LRCH1: variants seen among roughly 807,000 people sequenced by gnomAD.
The protein encoded by LRCH1 is leucine-rich repeat and calponin homology domain-containing protein 1.
Under a neutral mutation model 94.9 loss-of-function variants are expected in LRCH1, and 23 were observed. That is an observed-to-expected ratio of 0.24 (90% confidence interval 0.17 to 0.34). LRCH1 has a LOEUF of 0.34. Among genes scored for constraint, LRCH1 ranks in the 10% least tolerant of loss-of-function variants. The probability of loss-of-function intolerance (pLI) is 1.00; values close to 1 mark genes in which losing one functional copy is unlikely to be tolerated. For missense variants in LRCH1, 790 were observed against 945.9 expected, an observed-to-expected ratio of 0.84 and a Z score of 2.16; for synonymous variants, 364 against 354.9, an observed-to-expected ratio of 1.03 and a Z score of -0.29.
At chr13:46,698,774 T>C (rs1229759919) in intron 9 of LRCH1, among the ~76,000 whole-genome samples, 1 of 152,216 alleles carries the variant, frequency 6.6e-6, no homozygotes, top group Non-Finnish European at 1.5e-5. Context: ...TTGGGCCACA[T>C]TTTTTTAAAT....
At chr13:46,716,381 C>T (rs1181777142) in intron 16 of LRCH1, among the ~76,000 whole-genome samples, 1 of 152,138 alleles carries the variant, frequency 6.6e-6, no homozygotes, top group Non-Finnish European at 1.5e-5. Context: ...ATCTGCACAC[C>T]ACCTATATCG....
chr13:46,583,629 C>G (rs2050397466), intron 1 of LRCH1, among the ~76,000 whole-genome samples: 1 of 152,188 alleles, frequency 6.6e-6, no homozygotes, highest in South Asian at 2.1e-4. Flanking sequence ...ACTAACCTCT[C>G]TAGGTTTTTC....
chr13:46,696,963 GAC>G (rs1871227707), intron 9 of LRCH1, among the ~76,000 whole-genome samples: 1 of 152,162 alleles, frequency 6.6e-6, no homozygotes, highest in Non-Finnish European at 1.5e-5. Flanking sequence ...AGCTACTCAG[GAC>G]ACTGAGGAGG....
intron 9 of LRCH1, among the ~76,000 whole-genome samples, chr13:46,697,903 G>T (rs576252472): frequency 6.6e-6 from 1 of 152,176 alleles, no homozygotes; most frequent in Non-Finnish European, 1.5e-5. Context: ...TATACTATTG[G>T]CTACTTTTAG....
At chr13:46,619,037 A>G (rs900490104) in intron 1 of LRCH1, among the ~76,000 whole-genome samples, 6 of 150,134 alleles carry the variant, frequency 4.0e-5, no homozygotes, top group African/African-American at 1.5e-4. Flanking sequence ...CTTCACATCT[A>G]AAGTTCTCTT....
At chr13:46,656,045 C>A (rs2051366035) in intron 2 of LRCH1, among the ~76,000 whole-genome samples, 1 of 152,194 alleles carries the variant, frequency 6.6e-6, no homozygotes, top group Non-Finnish European at 1.5e-5. Flanking sequence ...TTCTCTGCAG[C>A]CTGGCATTCT....
intron 1 of LRCH1, among the ~76,000 whole-genome samples, chr13:46,578,161 TCTC>T (rs1200511475): frequency 2.0e-5 from 3 of 152,162 alleles, no homozygotes; most frequent in Admixed American, 2.0e-4. Flanking sequence ...CATTTCAAAA[TCTC>T]CTGGCTGCGG....
At chr13:46,634,170 G>A (rs1311503875) in intron 1 of LRCH1, among the ~76,000 whole-genome samples, 4 of 152,148 alleles carry the variant, frequency 2.6e-5, no homozygotes, top group East Asian at 3.9e-4. Flanking sequence ...GAGCCACCGC[G>A]CCCAGCCTTT....
At chr13:46,664,647 G>T (rs1593335746) in intron 2 of LRCH1, among the ~76,000 whole-genome samples, 2 of 152,182 alleles carry the variant, frequency 1.3e-5, no homozygotes, top group South Asian at 4.1e-4. Context: ...GCAACACGTG[G>T]CTGTAAAATC....
chr13:46,742,348 A>G lies in LRCH1; in HGVS notation c.*500A>G, dbSNP rs563398846. The G allele has an allele frequency of 4.0e-6, 4 of 998,982 alleles. No homozygotes were observed. The African/African-American group carries it at 5.2e-5, about 13-fold the overall frequency. 61.9% of individuals were successfully genotyped at this position (998,982 alleles called of 1,614,324 possible). ...CTAACATTTTGGCCCAACTTGATCT[A>G]TACAAAACTTTAATAATACCACTAC... On this transcript the variant is annotated 3_prime_UTR_variant, in exon 20 of 20. Transcript: ENST00000389797.
At chr13:46,557,712 A>G (rs1024873581) in intron 1 of LRCH1, among the ~76,000 whole-genome samples, 1 of 151,838 alleles carries the variant, frequency 6.6e-6, no homozygotes, top group Non-Finnish European at 1.5e-5. Flanking sequence ...GCATGGTGGC[A>G]TGTGCCTGTA....
chr13:46,560,475 G>A (rs1322803380), intron 1 of LRCH1, among the ~76,000 whole-genome samples: 1 of 152,070 alleles, frequency 6.6e-6, no homozygotes, highest in Admixed American at 6.5e-5. Flanking sequence ...GTGATTGTGT[G>A]AATTGTTAGA....
intron 1 of LRCH1, among the ~76,000 whole-genome samples, chr13:46,600,183 G>A (rs2050611940): frequency 1.3e-5 from 2 of 152,100 alleles, no homozygotes; most frequent in East Asian, 1.9e-4. Flanking sequence ...CACCACACCC[G>A]GCCAGGCTTT....
chr13:46,619,474 G>A (rs547023978), intron 1 of LRCH1, among the ~76,000 whole-genome samples: 1 of 152,136 alleles, frequency 6.6e-6, no homozygotes, highest in Non-Finnish European at 1.5e-5. Flanking sequence ...TTGAAGCAGT[G>A]ACCAGGAATT....
At chr13:46,646,459 C>T (rs2051222396) in intron 1 of LRCH1, among the ~76,000 whole-genome samples, 1 of 152,184 alleles carries the variant, frequency 6.6e-6, no homozygotes. Context: ...CAAACAGTTT[C>T]TTGTGTAGCT....
rs187102490 is a variant in LRCH1, at chr13:46,564,319, C to G, written c.307+10616C>G. On this transcript the variant is annotated intron_variant, in intron 1 of 19. Coordinates refer to ENST00000389797, the MANE Select transcript of LRCH1 (RefSeq NM_001164211.2). ...TTGGTTCTCCCGCCAACCCACAAAG[C>G]CCTGTTTAACCCTAGCAGACCTGGG... is the stretch of plus-strand genomic sequence containing the variant. Among the ~76,000 whole-genome samples the G allele has an allele frequency of 3.9e-3, 591 of 152,322 alleles. 4 individuals are homozygous for G. Among genetic ancestry groups the G allele is most frequent in the South Asian group, 0.026 (126 of 4,826 alleles).
chr13:46,591,792 C>A (rs2050502783), intron 1 of LRCH1, among the ~76,000 whole-genome samples: 1 of 152,156 alleles, frequency 6.6e-6, no homozygotes, highest in African/African-American at 2.4e-5. Flanking sequence ...GGGCTTGGAG[C>A]CTGGGTTTTC....
chr13:46,573,059 G>A (rs1053265152), intron 1 of LRCH1, among the ~76,000 whole-genome samples: 2 of 152,180 alleles, frequency 1.3e-5, no homozygotes, highest in Admixed American at 1.3e-4. Context: ...AATGCAAGGA[G>A]TGCAGAGCAA....
chr13:46,556,902 A>C (rs748635909), intron 1 of LRCH1, among the ~76,000 whole-genome samples: 18 of 152,220 alleles, frequency 1.2e-4, no homozygotes, highest in Non-Finnish European at 2.5e-4. Flanking sequence ...ACAGTGACCA[A>C]AAGAGAATCC....
Sources: gnomAD v4.1 joint callset for allele counts (sites outside exome capture counted in the v4.1 genomes callset) on GRCh38, gnomAD v4.1.1 for gene constraint, MANE v1.5 for transcripts, NCBI Gene and HGNC (gene_info 2026-07-23, HGNC 2026-07-21) for gene names.